The following ECPAS variants were observed in gnomAD, a reference collection of about 807,000 sequenced individuals.
The protein encoded by ECPAS is Ecm29 proteasome adaptor and scaffold, also known as proteasome adapter and scaffold protein ECM29.
Under a neutral mutation model 255.1 loss-of-function variants are expected in ECPAS, and 70 were observed. The observed-to-expected ratio is 0.27, with a 90% CI of 0.23 to 0.33. The LOEUF is 0.33. Among genes scored for constraint, ECPAS ranks in the 10% least tolerant of loss-of-function variants. ECPAS has a pLI of 1.00. For missense variants in ECPAS, 1,817 were observed against 2,206.4 expected (o/e 0.82, Z 3.54); for synonymous variants, 784 against 775.0 (o/e 1.01, Z -0.19).
intron 4 of ECPAS, among the ~76,000 whole-genome samples, chr9:111,443,404 C>T (rs1367633728): frequency 6.6e-6 from 1 of 152,064 alleles, no homozygotes; most frequent in Non-Finnish European, 1.5e-5. Flanking sequence ...GCACGCGCCA[C>T]CACGCCCAGC....
chr9:111,431,217 G>A (rs142126595), intron 8 of ECPAS, among the ~76,000 whole-genome samples: 1 of 152,142 alleles, frequency 6.6e-6, no homozygotes, highest in East Asian at 1.9e-4. Flanking sequence ...CAGTCACTAA[G>A]ACTTAATTCT....
intron 2 of ECPAS, among the ~76,000 whole-genome samples, chr9:111,472,500 T>C (rs1321494187): frequency 1.3e-5 from 2 of 151,688 alleles, no homozygotes; most frequent in East Asian, 3.9e-4. Context: ...TAGCCAGGTG[T>C]GATGGCATGC....
rs776621633 is a variant in ECPAS at position 111,433,281 on chromosome 9, C to T, written c.800G>A (p.Arg267His). Residue 267 changes from arginine (R) to histidine (H), a missense_variant, in exon 8 of 50, where the codon CGC becomes CAC. This residue lies in a region of ECPAS where 573 missense variants were observed against 716.2 expected (regional missense o/e 0.80). Transcript: ENST00000684092. ...GTCTGCTGCCGTTGCCACACTGTGG[C>T]GTGTATCACTAGAGGCAATCACCAA... ...LHLVIASSDT[R>H]HSVATAADLE... is the part of the protein sequence containing the mutation. 46 of 1,613,824 alleles carry T rather than the reference C, an allele frequency of 2.9e-5. No individual in the cohort carries two copies. The highest frequency in any genetic ancestry group is 8.9e-5 in the East Asian group (4 of 44,898).
At chr9:111,400,725 ACAGT>A (rs1232744452) in intron 24 of ECPAS, among the ~76,000 whole-genome samples, 7 of 152,352 alleles carry the variant, frequency 4.6e-5, no homozygotes, top group Admixed American at 6.5e-5. Flanking sequence ...TTGAAAACAC[ACAGT>A]CAGAGGAAAA....
chr9:111,461,066 T>C (rs1351562619), intron 2 of ECPAS, among the ~76,000 whole-genome samples: 2 of 151,788 alleles, frequency 1.3e-5, no homozygotes, highest in African/African-American at 2.4e-5. Flanking sequence ...AAAAAAAAAG[T>C]TGATTCTTTC....
intron 5 of ECPAS, among the ~76,000 whole-genome samples, chr9:111,441,258 C>A (rs1192178793): frequency 6.6e-6 from 1 of 151,774 alleles, no homozygotes; most frequent in Admixed American, 6.6e-5. Context: ...AACCCCAGCA[C>A]TTTGGGAGGC....
chr9:111,372,420 A>C lies in ECPAS; in HGVS notation c.4528+9T>G. The C allele has an allele frequency of 6.2e-7, 1 of 1,611,234 alleles. No individual in the cohort carries two copies. The highest frequency in any genetic ancestry group is 8.5e-7 in the Non-Finnish European group (1 of 1,178,130). On this transcript the variant is annotated intron_variant, in intron 42 of 49. Coordinates refer to ENST00000684092, the MANE Select transcript of ECPAS (RefSeq NM_001364929.1). ...AAGAAGCAGGTTTAACTCAGGCCAC[A>C]CTACTAACCAGGTACGTTTTCCTGC... is the stretch of plus-strand genomic sequence containing the variant.
At chr9:111,415,349 G>GA (rs1397795415) in intron 18 of ECPAS, among the ~76,000 whole-genome samples, 1 of 151,840 alleles carries the variant, frequency 6.6e-6, no homozygotes, top group Non-Finnish European at 1.5e-5. Flanking sequence ...ATTGACACAA[G>GA]AATCTGAGAA....
At chr9:111,443,099 T>C (rs2098248084) in intron 4 of ECPAS, among the ~76,000 whole-genome samples, 5 of 152,180 alleles carry the variant, frequency 3.3e-5, no homozygotes, top group Admixed American at 3.3e-4. Context: ...ACGTAAATAT[T>C]CCAAAATCCA....
intron 1 of ECPAS, among the ~76,000 whole-genome samples, chr9:111,482,524 G>T (rs150373796): frequency 6.6e-6 from 1 of 152,216 alleles, no homozygotes; most frequent in Non-Finnish European, 1.5e-5. Context: ...ATTCAGAAGC[G>T]GCTTTAACAA....
intron 27 of ECPAS, among the ~76,000 whole-genome samples, 182 bp downstream of exon 27, chr9:111,393,498 A>C (rs560474454): frequency 3.4e-4 from 52 of 152,316 alleles, no homozygotes; most frequent in African/African-American, 1.2e-3. Context: ...CTGTATCCTA[A>C]CTAGAAATTT....
chr9:111,422,163 C>G lies in ECPAS; in HGVS notation c.1303G>C (p.Val435Leu). Residue 435 changes from valine (V) to leucine (L), a missense_variant, in exon 14 of 50, where the codon GTG becomes CTG. Coordinates refer to ENST00000684092, the MANE Select transcript of ECPAS (RefSeq NM_001364929.1). ...PHLFTKDIAL[V>L]QQLFEALCKE... The stretch of plus-strand genomic sequence containing the variant: ...CAAAGGGCTTCAAAAAGCTGCTGCA[C>G]AAGCGCTATATCCTTAGTGAATAAA... 6.2e-7 allele frequency: 1 copy of G among 1,613,788 alleles called. No homozygotes were observed.
chr9:111,444,355 A>C, intron 4 of ECPAS, 23 bp downstream of exon 4: 1 of 1,526,230 alleles, frequency 6.6e-7, no homozygotes, highest in East Asian at 2.3e-5. Context: ...GTAAGTCAGA[A>C]AATATTCCAA....
In ECPAS at chr9:111,436,933, G is replaced by T; in HGVS notation, c.708+7C>A. 1 of 1,595,996 alleles carries T rather than the reference G, an allele frequency of 6.3e-7. No individual in the cohort carries two copies. The highest frequency in any genetic ancestry group is 8.5e-7 in the Non-Finnish European group (1 of 1,172,926). On this transcript the variant is annotated splice_region_variant and intron_variant, in intron 7 of 49. Transcript: ENST00000684092. Reference sequence around the variant, plus strand: ...AACTACTATTATGAGCAAGCCTTGTGTGATACCTGTTCCAATTGTTCAGGT... The same window carrying T: ...AACTACTATTATGAGCAAGCCTTGTTTGATACCTGTTCCAATTGTTCAGGT...
intron 1 of ECPAS, among the ~76,000 whole-genome samples, chr9:111,479,501 A>G (rs1010140761): frequency 5.4e-4 from 82 of 151,644 alleles, no homozygotes; most frequent in African/African-American, 1.9e-3. Context: ...ACTGAGGCAG[A>G]AGAATCACTT....
At chr9:111,379,622 G>A (rs2098138032) in intron 35 of ECPAS, among the ~76,000 whole-genome samples, 1 of 152,226 alleles carries the variant, frequency 6.6e-6, no homozygotes, top group Non-Finnish European at 1.5e-5. Flanking sequence ...ATGAGATGCA[G>A]TTTGATAGCA....
In ECPAS at chr9:111,429,178, A is replaced by G. The variant is rs201963389; in HGVS notation, c.931-1017T>C. Among the ~76,000 whole-genome samples the G allele has an allele frequency of 9.2e-5, 14 of 152,224 alleles. No individual in the cohort carries two copies. In the East Asian group the frequency reaches 2.3e-3, roughly 25 times the overall value. On this transcript the variant is annotated intron_variant, in intron 9 of 49. Transcript: ENST00000684092. ...GCACCAAATACCCATCTCGGTAGCTATAATTTGCCTGTCTACTCTTCAAGT... is the reference window on the plus strand; with the variant it reads ...GCACCAAATACCCATCTCGGTAGCTGTAATTTGCCTGTCTACTCTTCAAGT...
At position 111,421,954 on chromosome 9, in the gene ECPAS, G is replaced by T. The variant is rs748142675; in HGVS notation, c.1422C>A (p.Leu474=). ...AGTACGAAGCCACAAGTGCCTCCATGAGAGTTCGCTGTGCCCCTTCCAAAG... is the reference window on the plus strand; with the variant it reads ...AGTACGAAGCCACAAGTGCCTCCATTAGAGTTCGCTGTGCCCCTTCCAAAG... ...YSTLEGAQRT[L]MEALVASYLI... The change falls in exon 15 of 50, where the codon CTC becomes CTA. Residue 474 remains leucine (L), a synonymous_variant. Coordinates refer to ENST00000684092, the MANE Select transcript of ECPAS (RefSeq NM_001364929.1). 1 of 1,613,666 alleles carries T rather than the reference G, an allele frequency of 6.2e-7. No individual in the cohort carries two copies.
Position 111,389,616 on chromosome 9 carries a change from G to A in ECPAS, c.3387C>T (p.Asn1129=), listed in dbSNP as rs180957632. 4.3e-6 allele frequency: 7 copies of A among 1,613,924 alleles called. No homozygotes were observed. The highest frequency in any genetic ancestry group is 4.5e-5 in the East Asian group (2 of 44,872). ...PRLYRYQFDP[N]LGIRQAMTSI... is the part of the protein sequence containing the mutation. ...TTGTCATGGCCTGTCGAATGCCAAG[G>A]TTGGGATCAAACTGGTAACGATAAA... Residue 1129 remains asparagine (N), a synonymous_variant, in exon 31 of 50, where the codon AAC becomes AAT. Coordinates refer to ENST00000684092, the MANE Select transcript of ECPAS (RefSeq NM_001364929.1).
Sources: allele counts gnomAD v4.1 joint callset (sites outside exome capture counted in the v4.1 genomes callset), GRCh38; gene constraint gnomAD v4.1.1; regional missense constraint gnomAD v4.1.1; transcripts MANE v1.5; gene names NCBI Gene and HGNC (gene_info 2026-07-23, HGNC 2026-07-21).